The following CNTN5 variants were observed in gnomAD, a reference collection of about 807,000 sequenced individuals.
The protein encoded by CNTN5 is contactin 5, also known as contactin-5.
In CNTN5, 77 loss-of-function variants were observed where a neutral mutation model predicts 129.1. That is an observed-to-expected ratio of 0.60 (90% CI 0.50 to 0.72). The LOEUF (loss-of-function observed/expected upper bound fraction) is 0.72, where lower values mean the gene tolerates loss of function less well. CNTN5 is among the 30% of genes least tolerant of loss of function. The pLI is 0.00. For missense variants in CNTN5, 1,478 were observed against 1,328.8 expected (o/e 1.11, Z -1.75); for synonymous variants, 509 against 465.6 (o/e 1.09, Z -1.20).
intron 2 of CNTN5, among the ~76,000 whole-genome samples, chr11:99,371,158 A>G (rs911094320): frequency 1.1e-4 from 16 of 152,170 alleles, no homozygotes; most frequent in Non-Finnish European, 2.4e-4. Flanking sequence ...TACCTAGTGA[A>G]GAAATCTTTG....
intron 18 of CNTN5, among the ~76,000 whole-genome samples, chr11:100,282,813 C>T (rs1350526623): frequency 6.6e-6 from 1 of 152,200 alleles, no homozygotes; most frequent in Non-Finnish European, 1.5e-5. Flanking sequence ...ACAGTCCTTC[C>T]CATTCTTCCC....
At chr11:99,291,502 C>T (rs959210447) in intron 1 of CNTN5, among the ~76,000 whole-genome samples, 10 of 151,824 alleles carry the variant, frequency 6.6e-5, no homozygotes, top group Non-Finnish European at 1.3e-4. Flanking sequence ...AAATAAATTT[C>T]TGATTTTATT....
chr11:100,149,544 T>C (rs1565288668), intron 13 of CNTN5, among the ~76,000 whole-genome samples: 1 of 152,094 alleles, frequency 6.6e-6, no homozygotes, highest in East Asian at 1.9e-4. Flanking sequence ...TTTGAAATGA[T>C]AAAATAAAAT....
At chr11:99,846,684 A>G (rs1347943485) in intron 6 of CNTN5, among the ~76,000 whole-genome samples, 2 of 152,266 alleles carry the variant, frequency 1.3e-5, no homozygotes, top group Admixed American at 6.5e-5. Flanking sequence ...ATATTTCTCT[A>G]TGTAATCTTT....
At chr11:99,775,374 A>G (rs1217653218) in intron 3 of CNTN5, among the ~76,000 whole-genome samples, 1 of 152,032 alleles carries the variant, frequency 6.6e-6, no homozygotes, top group African/African-American at 2.4e-5. Context: ...GGTTGGACTG[A>G]TTAAATATCT....
intron 3 of CNTN5, among the ~76,000 whole-genome samples, chr11:99,802,299 G>A (rs1946138691): frequency 6.6e-6 from 1 of 152,162 alleles, no homozygotes; most frequent in Admixed American, 6.5e-5. Flanking sequence ...TGTCTCTGCT[G>A]CCTCAGGGAA....
intron 2 of CNTN5, among the ~76,000 whole-genome samples, chr11:99,340,954 A>G (rs914077836): frequency 6.6e-6 from 1 of 152,100 alleles, no homozygotes; most frequent in Non-Finnish European, 1.5e-5. Context: ...CTGCTTCTCT[A>G]ATCTCCCCCA....
intron 1 of CNTN5, among the ~76,000 whole-genome samples, chr11:99,156,979 G>A (rs1184098937): frequency 1.3e-5 from 2 of 152,028 alleles, no homozygotes; most frequent in Non-Finnish European, 2.9e-5. Flanking sequence ...CGGTAATGGT[G>A]AAAAGTTATT....
At chr11:99,984,251 T>G (rs1938531932) in intron 8 of CNTN5, among the ~76,000 whole-genome samples, 1 of 150,942 alleles carries the variant, frequency 6.6e-6, no homozygotes, top group Non-Finnish European at 1.5e-5. Context: ...CACTCCCACC[T>G]GGGTGTCAGC....
intron 1 of CNTN5, among the ~76,000 whole-genome samples, chr11:99,159,549 G>A (rs192104442): frequency 6.6e-6 from 1 of 152,314 alleles, no homozygotes; most frequent in African/African-American, 2.4e-5. Context: ...GTGAACCCGG[G>A]AGGTGGAGGT....
At chr11:99,432,032 A>G (rs1053171381) in intron 2 of CNTN5, among the ~76,000 whole-genome samples, 7 of 152,168 alleles carry the variant, frequency 4.6e-5, no homozygotes, top group South Asian at 2.1e-4. Flanking sequence ...GTAAGTCCGC[A>G]CTTTAGGTGA....
In CNTN5 at chr11:100,302,513, A is replaced by AC. The variant is rs1198960759; in HGVS notation, c.2620+3118dup. 4.0e-5 allele frequency among the ~76,000 whole-genome samples: 6 copies of AC among 151,582 alleles called. No homozygotes were observed. In the East Asian group the frequency reaches 1.2e-3, roughly 29 times the overall value. On this transcript the variant is annotated intron_variant, in intron 20 of 24. Transcript: ENST00000524871. ...AGAACAAGAGGAGTGAGACTGCCTT[A>AC]CTATTTCTGTTTATGGGCTTAGTTC...
chr11:99,729,400 T>G (rs1400500211), intron 3 of CNTN5, among the ~76,000 whole-genome samples: 1 of 152,196 alleles, frequency 6.6e-6, no homozygotes, highest in East Asian at 1.9e-4. Flanking sequence ...TCATCACCCA[T>G]GCATTAAGCC....
intron 1 of CNTN5, among the ~76,000 whole-genome samples, chr11:99,184,684 C>CATTTAAT (rs1858249004): frequency 2.0e-5 from 3 of 152,008 alleles, no homozygotes. Flanking sequence ...TTTAAAATGG[C>CATTTAAT]ACACTGCCAT....
intron 9 of CNTN5, among the ~76,000 whole-genome samples, chr11:100,008,387 T>C (rs1940322634): frequency 6.6e-6 from 1 of 152,042 alleles, no homozygotes; most frequent in Admixed American, 6.6e-5. Flanking sequence ...AAAAAATAAT[T>C]CACTTATTAA....
chr11:100,350,932 G>A, intron 24 of CNTN5, 62 bp downstream of exon 24: 1 of 1,312,822 alleles, frequency 7.6e-7, no homozygotes, highest in Non-Finnish European at 1.0e-6. Context: ...TGGTATGAAA[G>A]TCACGAAAAT....
chr11:99,241,112 C>A (rs1861527780), intron 1 of CNTN5, among the ~76,000 whole-genome samples: 1 of 152,044 alleles, frequency 6.6e-6, no homozygotes, highest in Non-Finnish European at 1.5e-5. Flanking sequence ...ATTAATCTTT[C>A]TTTGTTTCAG....
intron 18 of CNTN5, among the ~76,000 whole-genome samples, chr11:100,282,798 A>G (rs1950667284): frequency 6.6e-6 from 1 of 152,196 alleles, no homozygotes; most frequent in African/African-American, 2.4e-5. Flanking sequence ...CTCAAACCAC[A>G]AGGCACAGTC....
At chr11:100,104,839 A>G (rs949099157) in intron 13 of CNTN5, among the ~76,000 whole-genome samples, 1 of 152,142 alleles carries the variant, frequency 6.6e-6, no homozygotes, top group Admixed American at 6.5e-5. Flanking sequence ...AAATCTCTAG[A>G]ATCCTTCTAC....
Sources: gnomAD v4.1 joint callset for allele counts (sites outside exome capture counted in the v4.1 genomes callset) on GRCh38, gnomAD v4.1.1 for gene constraint, MANE v1.5 for transcripts, NCBI Gene and HGNC (gene_info 2026-07-23, HGNC 2026-07-21) for gene names.